The following PDE1A variants were observed in gnomAD, a reference collection of about 807,000 sequenced individuals.
PDE1A encodes the protein phosphodiesterase 1A, also known as dual specificity calcium/calmodulin-dependent 3',5'-cyclic nucleotide phosphodiesterase 1A.
In PDE1A, 35 loss-of-function variants were observed where a neutral mutation model predicts 61.7. The observed-to-expected ratio is 0.57, with a 90% confidence interval of 0.43 to 0.75. The LOEUF (loss-of-function observed/expected upper bound fraction) is 0.75, where lower values mean the gene tolerates loss of function less well. Ranked by LOEUF, PDE1A falls within the 30% of genes least tolerant of loss-of-function variation. The pLI, the probability that PDE1A is intolerant of heterozygous loss-of-function variation, is 0.00. For missense variants in PDE1A, 597 were observed against 630.6 expected (o/e 0.95, Z 0.57); for synonymous variants, 232 against 213.2 (o/e 1.09, Z -0.77).
chr2:182,510,909 T>C (rs190346890), intron 2 of PDE1A, among the ~76,000 whole-genome samples: 31 of 152,304 alleles, frequency 2.0e-4, no homozygotes, highest in African/African-American at 4.1e-4. Flanking sequence ...AATACTTCCA[T>C]TGAGCTAAAA....
chr2:182,431,638 C>A (rs1478626062), upstream of PDE1A, among the ~76,000 whole-genome samples: 1 of 152,110 alleles, frequency 6.6e-6, no homozygotes, highest in Non-Finnish European at 1.5e-5. Context: ...TTCTTTATAA[C>A]ACATTTCTTG....
intron 13 of PDE1A, among the ~76,000 whole-genome samples, chr2:182,160,036 CTT>C (rs758852356): frequency 1.4e-4 from 22 of 152,266 alleles, no homozygotes; most frequent in Non-Finnish European, 2.9e-4. Context: ...CCTAACAGCT[CTT>C]GAGACAGAAA....
At chr2:182,610,422 A>G in the PDE1A span, among the ~76,000 whole-genome samples, 1 of 152,174 alleles carries the variant, frequency 6.6e-6, no homozygotes, top group Non-Finnish European at 1.5e-5. Flanking sequence ...TACAGCTGTA[A>G]TCATGGAGGT....
chr2:182,550,019 C>T, the PDE1A span, among the ~76,000 whole-genome samples: 3 of 151,982 alleles, frequency 2.0e-5, no homozygotes, highest in Middle Eastern at 3.2e-3. Context: ...ATTTTTCTAG[C>T]CATCAATGAA....
chr2:182,509,830 A>G (rs999701994), intron 2 of PDE1A, among the ~76,000 whole-genome samples: 5 of 152,086 alleles, frequency 3.3e-5, no homozygotes, highest in East Asian at 1.9e-4. Flanking sequence ...TTTTGAACCA[A>G]CTCTTAGAAA....
exon 14 of PDE1A, chr2:182,168,208 TA>T (rs773856703): frequency 6.4e-7 from 1 of 1,569,072 alleles, no homozygotes; most frequent in Non-Finnish European, 8.6e-7. Flanking sequence ...TTGGTCAAAT[TA>T]GAGCTGCCAC....
the PDE1A span, among the ~76,000 whole-genome samples, chr2:182,681,770 C>A: frequency 1.1e-4 from 17 of 152,132 alleles, no homozygotes; most frequent in African/African-American, 3.9e-4. Context: ...CTCAGCCTCC[C>A]GAGTAGCTGG....
intron 2 of PDE1A, among the ~76,000 whole-genome samples, chr2:182,478,873 AG>A (rs1034185776): frequency 6.6e-6 from 1 of 151,924 alleles, no homozygotes; most frequent in Non-Finnish European, 1.5e-5. Flanking sequence ...GACTTTAAAA[AG>A]GTTACTAGAC....
intron 2 of PDE1A, among the ~76,000 whole-genome samples, chr2:182,438,987 G>C (rs1047921590): frequency 1.3e-5 from 2 of 151,890 alleles, no homozygotes; most frequent in African/African-American, 4.8e-5. Context: ...TAAGGCAAAG[G>C]CATTAATTGC....
At chr2:182,505,894 A>G (rs1689379328) in intron 2 of PDE1A, among the ~76,000 whole-genome samples, 1 of 152,202 alleles carries the variant, frequency 6.6e-6, no homozygotes, top group Non-Finnish European at 1.5e-5. Context: ...TAAATAAATA[A>G]TATCTTTGGA....
At chr2:182,162,806 G>T (rs2125301431) in intron 13 of PDE1A, among the ~76,000 whole-genome samples, 1 of 152,216 alleles carries the variant, frequency 6.6e-6, no homozygotes, top group African/African-American at 2.4e-5. Context: ...TTTAGCTCAG[G>T]TCCAGTGGTC....
At chr2:182,389,818 C>T (rs1199251780) in intron 1 of PDE1A, among the ~76,000 whole-genome samples, 1 of 152,206 alleles carries the variant, frequency 6.6e-6, no homozygotes, top group Non-Finnish European at 1.5e-5. Context: ...CAGAATAAGG[C>T]AGGCAAAAGA....
chr2:182,550,424 A>T, the PDE1A span, among the ~76,000 whole-genome samples: 1 of 152,320 alleles, frequency 6.6e-6, no homozygotes, highest in South Asian at 2.1e-4. Context: ...TCTCTGGCAC[A>T]GATCATCAGA....
intron 7 of PDE1A, among the ~76,000 whole-genome samples, chr2:182,219,048 G>T (rs1175141891): frequency 1.3e-5 from 2 of 151,996 alleles, no homozygotes; most frequent in Non-Finnish European, 2.9e-5. Flanking sequence ...TTGGGTAGCA[G>T]GTGAAGGGGA....
chr2:182,292,732 ACT>A (rs1183744217), intron 1 of PDE1A, among the ~76,000 whole-genome samples: 1 of 151,832 alleles, frequency 6.6e-6, no homozygotes, highest in Non-Finnish European at 1.5e-5. Context: ...AAGTAGTAAA[ACT>A]CTTTCTCTAT....
chr2:182,481,763 G>T (rs1332846057), intron 2 of PDE1A, among the ~76,000 whole-genome samples: 2 of 151,858 alleles, frequency 1.3e-5, no homozygotes, highest in South Asian at 2.1e-4. Flanking sequence ...TTTTCTTTTA[G>T]ATTTTGTCCC....
chr2:182,223,920 A>G, exon 7 of PDE1A: 1 of 1,605,894 alleles, frequency 6.2e-7, no homozygotes, highest in Non-Finnish European at 8.5e-7. Flanking sequence ...CATGAATGGC[A>G]GCAGCAAAGA....
chr2:182,290,560 C>A (rs540186684), intron 1 of PDE1A, among the ~76,000 whole-genome samples: 31 of 151,966 alleles, frequency 2.0e-4, no homozygotes, highest in Non-Finnish European at 3.7e-4. Context: ...ATCCAGCCTC[C>A]CTCTGCTTGC....
intron 2 of PDE1A, among the ~76,000 whole-genome samples, chr2:182,489,868 C>T (rs376509932): frequency 1.4e-4 from 21 of 152,178 alleles, no homozygotes; most frequent in African/African-American, 4.6e-4. Flanking sequence ...ATCGGTAGAG[C>T]ATGATAGATT....
Sources: allele counts gnomAD v4.1 joint callset (sites outside exome capture counted in the v4.1 genomes callset), GRCh38; gene constraint gnomAD v4.1.1; transcripts MANE v1.5; gene names NCBI Gene and HGNC (gene_info 2026-07-23, HGNC 2026-07-21).